The following NAV3 variants were observed in gnomAD, a reference collection of about 807,000 sequenced individuals.
The protein encoded by NAV3 is pore membrane and/or filament interacting like protein 1.
NAV3 carries 87 observed loss-of-function variants against 244.7 expected under a neutral mutation model. The observed-to-expected ratio is 0.36, with a 90% confidence interval of 0.30 to 0.42. The LOEUF is 0.42. Among genes scored for constraint, NAV3 ranks in the 20% least tolerant of loss-of-function variants. The pLI, the probability that NAV3 is intolerant of heterozygous loss-of-function variation, is 1.00. For synonymous variants in NAV3, 1,126 were observed against 1,042.2 expected (o/e 1.08, Z -1.55); for missense variants, 2,663 against 2,893.3 (o/e 0.92, Z 1.83).
At chr12:78,001,805 C>T (rs1454936764) in intron 7 of NAV3, among the ~76,000 whole-genome samples, 1 of 152,154 alleles carries the variant, frequency 6.6e-6, no homozygotes, top group Non-Finnish European at 1.5e-5. Flanking sequence ...AAGTGGAACG[C>T]GGAAACATAT....
intron 12 of NAV3, among the ~76,000 whole-genome samples, chr12:78,076,148 C>G (rs1340436017): frequency 6.6e-6 from 1 of 152,194 alleles, no homozygotes; most frequent in African/African-American, 2.4e-5. Context: ...CCTGGTGCCA[C>G]AGTTTACAAT....
At chr12:77,645,254 A>G (rs1017952858) in intron 2 of NAV3, among the ~76,000 whole-genome samples, 1 of 144,412 alleles carries the variant, frequency 6.9e-6, no homozygotes, top group Admixed American at 7.1e-5. Flanking sequence ...CAAAATGAAT[A>G]ATTTAAATCT....
intron 2 of NAV3, among the ~76,000 whole-genome samples, chr12:77,818,298 A>C (rs1872597657): frequency 6.6e-6 from 1 of 152,134 alleles, no homozygotes; most frequent in Admixed American, 6.6e-5. Flanking sequence ...TTATAGAAAG[A>C]GTTTGCAGAA....
At chr12:77,937,532 A>G (rs1164201215) in intron 1 of NAV3, among the ~76,000 whole-genome samples, 1 of 152,188 alleles carries the variant, frequency 6.6e-6, no homozygotes, top group African/African-American at 2.4e-5. Flanking sequence ...ATGTTATCAT[A>G]AAACAAAACC....
chr12:77,962,362 T>C (rs1202585287), intron 3 of NAV3, among the ~76,000 whole-genome samples: 4 of 152,212 alleles, frequency 2.6e-5, no homozygotes, highest in Non-Finnish European at 4.4e-5. Flanking sequence ...TTTTGAATGT[T>C]TGATGGACCA....
intron 2 of NAV3, among the ~76,000 whole-genome samples, chr12:77,644,593 A>C (rs1380825071): frequency 6.6e-6 from 1 of 152,084 alleles, no homozygotes; most frequent in Admixed American, 6.6e-5. Flanking sequence ...TAAAGCTCTT[A>C]AAAAATATTT....
At chr12:77,822,034 G>A (rs575486310) in intron 2 of NAV3, among the ~76,000 whole-genome samples, 14 of 151,906 alleles carry the variant, frequency 9.2e-5, no homozygotes, top group African/African-American at 3.1e-4. Flanking sequence ...TTTTTCACTC[G>A]GGGAGCTGAT....
At chr12:77,791,665 A>C (rs940093530) in intron 2 of NAV3, among the ~76,000 whole-genome samples, 3 of 152,020 alleles carry the variant, frequency 2.0e-5, no homozygotes, top group Non-Finnish European at 4.4e-5. Context: ...AGGGCCTAAC[A>C]CTCCTTACAT....
chr12:77,590,813 G>T (rs1264110821), intron 2 of NAV3, among the ~76,000 whole-genome samples: 2 of 152,236 alleles, frequency 1.3e-5, no homozygotes, highest in Non-Finnish European at 2.9e-5. Flanking sequence ...GCGTCCTACA[G>T]ATCTGGGTAT....
intron 2 of NAV3, among the ~76,000 whole-genome samples, chr12:77,760,839 G>T (rs532055822): frequency 1.3e-4 from 20 of 152,180 alleles, no homozygotes; most frequent in Non-Finnish European, 2.8e-4. Flanking sequence ...GTACTAGGAG[G>T]CAGGACCATC....
intron 2 of NAV3, among the ~76,000 whole-genome samples, chr12:77,663,370 T>C (rs1278224891): frequency 1.3e-5 from 2 of 152,190 alleles, no homozygotes; most frequent in African/African-American, 4.8e-5. Flanking sequence ...GTTCTGACAC[T>C]GAGTGCCTCA....
At chr12:77,595,672 AAG>A (rs1870135548) in intron 2 of NAV3, among the ~76,000 whole-genome samples, 1 of 152,208 alleles carries the variant, frequency 6.6e-6, no homozygotes, top group Admixed American at 6.5e-5. Flanking sequence ...CATTACAAAA[AAG>A]AACATATCTT....
At chr12:77,763,780 G>T (rs1869607858) in intron 2 of NAV3, among the ~76,000 whole-genome samples, 1 of 152,178 alleles carries the variant, frequency 6.6e-6, no homozygotes, top group South Asian at 2.1e-4. Context: ...GGAGCATCTG[G>T]TTGACCTCAT....
At chr12:78,083,963 A>G (rs1377594007) in intron 12 of NAV3, among the ~76,000 whole-genome samples, 1 of 152,156 alleles carries the variant, frequency 6.6e-6, no homozygotes, top group African/African-American at 2.4e-5. Flanking sequence ...TGCTTATTTG[A>G]CTAGAAAAAT....
chr12:78,012,023 C>G (rs1389333399), intron 8 of NAV3, among the ~76,000 whole-genome samples: 2 of 151,296 alleles, frequency 1.3e-5, no homozygotes, highest in African/African-American at 4.9e-5. Context: ...CACCAGGTCC[C>G]TCCCTCTACA....
chr12:77,796,128 C>G (rs948269257), intron 2 of NAV3, among the ~76,000 whole-genome samples: 35 of 152,000 alleles, frequency 2.3e-4, no homozygotes, highest in Admixed American at 2.3e-3. Flanking sequence ...TCTGATGGAT[C>G]TAAGCAAAGT....
chr12:78,064,432 TGC>T (rs879915450), intron 12 of NAV3, among the ~76,000 whole-genome samples: 4,157 of 150,602 alleles, frequency 0.028, 89 homozygotes, highest in East Asian at 0.096. Flanking sequence ...TCTGTCTGCC[TGC>T]CTGCCTGCCT....
intron 2 of NAV3, among the ~76,000 whole-genome samples, chr12:77,706,488 C>A (rs1875805327): frequency 6.6e-6 from 1 of 151,328 alleles, no homozygotes; most frequent in African/African-American, 2.5e-5. Context: ...ACTCTAATGT[C>A]TGCCAGTTGG....
At chr12:78,149,391 T>C (rs531285404) in intron 22 of NAV3, among the ~76,000 whole-genome samples, 2 of 152,218 alleles carry the variant, frequency 1.3e-5, no homozygotes, top group Admixed American at 6.6e-5. Context: ...GTGGATGAGA[T>C]ATGGTTTGCT....
Sources: gnomAD v4.1 joint callset for allele counts (sites outside exome capture counted in the v4.1 genomes callset) on GRCh38, gnomAD v4.1.1 for gene constraint, MANE v1.5 for transcripts, NCBI Gene and HGNC (gene_info 2026-07-23, HGNC 2026-07-21) for gene names.